AGBL1: variants seen among roughly 807,000 people sequenced by gnomAD.
The protein encoded by AGBL1 is cytosolic carboxypeptidase 4.
Under a neutral mutation model 118.9 loss-of-function variants are expected in AGBL1, and 130 were observed. That is an observed-to-expected ratio of 1.09 (90% CI 0.95 to 1.26). AGBL1 has a LOEUF of 1.26. Ranked by LOEUF, AGBL1 falls within the 50% of genes most tolerant of loss-of-function variation. The pLI is 0.00. For synonymous variants in AGBL1, 555 were observed against 478.9 expected, an observed-to-expected ratio of 1.16 and a Z score of -2.08; for missense variants, 1,584 against 1,298.1, an observed-to-expected ratio of 1.22 and a Z score of -3.38.
chr15:86,845,808 T>C (rs1398702709), intron 22 of AGBL1, among the ~76,000 whole-genome samples: 1 of 152,244 alleles, frequency 6.6e-6, no homozygotes, highest in Admixed American at 6.5e-5. Context: ...TGGTAAATTG[T>C]GTTTGGTAAA....
intron 22 of AGBL1, among the ~76,000 whole-genome samples, chr15:86,787,520 G>A (rs1282987300): frequency 6.6e-5 from 10 of 152,094 alleles, no homozygotes; most frequent in Non-Finnish European, 1.5e-4. Flanking sequence ...AAATCATGCA[G>A]TATTTTTATC....
chr15:86,303,783 T>A (rs2079793056), intron 17 of AGBL1, among the ~76,000 whole-genome samples: 1 of 152,174 alleles, frequency 6.6e-6, no homozygotes, highest in Admixed American at 6.5e-5. Context: ...AATTTGTTCA[T>A]GTGATATAAT....
intron 22 of AGBL1, among the ~76,000 whole-genome samples, chr15:86,754,434 C>G (rs1026381038): frequency 6.6e-6 from 1 of 152,032 alleles, no homozygotes; most frequent in Non-Finnish European, 1.5e-5. Context: ...GTTCTGATGT[C>G]TGGGTTTTGT....
intron 18 of AGBL1, among the ~76,000 whole-genome samples, chr15:86,503,153 A>G (rs1181952025): frequency 6.6e-6 from 1 of 151,058 alleles, no homozygotes; most frequent in Non-Finnish European, 1.5e-5. Context: ...AATATTTTCT[A>G]TTTCTTCTTC....
At chr15:86,490,341 G>C (rs866661420) in intron 18 of AGBL1, among the ~76,000 whole-genome samples, 1 of 152,046 alleles carries the variant, frequency 6.6e-6, no homozygotes, top group Non-Finnish European at 1.5e-5. Flanking sequence ...GGGACCTCTT[G>C]TACCTGTAGG....
chr15:86,324,713 G>A (rs527760185), intron 17 of AGBL1, among the ~76,000 whole-genome samples: 1 of 152,284 alleles, frequency 6.6e-6, no homozygotes, highest in South Asian at 2.1e-4. Context: ...GTGGGTGGTA[G>A]TAATAAAGAA....
intron 17 of AGBL1, among the ~76,000 whole-genome samples, chr15:86,325,745 A>C (rs2080174340): frequency 6.6e-6 from 1 of 152,176 alleles, no homozygotes; most frequent in South Asian, 2.1e-4. Flanking sequence ...TTCACCAGAC[A>C]AGGCATTGGA....
intron 23 of AGBL1, among the ~76,000 whole-genome samples, chr15:86,953,229 T>G (rs1029439918): frequency 2.0e-5 from 3 of 152,174 alleles, no homozygotes; most frequent in African/African-American, 7.2e-5. Context: ...ATAGGAACAG[T>G]GTTAAATCTA....
At chr15:86,206,597 C>T (rs990047054) in intron 5 of AGBL1, among the ~76,000 whole-genome samples, 11 of 152,212 alleles carry the variant, frequency 7.2e-5, no homozygotes, top group Non-Finnish European at 1.6e-4. Context: ...TGTCTTTTGG[C>T]TGCATAAATG....
At chr15:86,619,247 G>C (rs573679011) in intron 21 of AGBL1, among the ~76,000 whole-genome samples, 25 of 152,072 alleles carry the variant, frequency 1.6e-4, no homozygotes, top group Non-Finnish European at 2.8e-4. Context: ...ACGTGACACT[G>C]AACCTCCTAC....
chr15:86,769,057 T>A (rs908434190), intron 22 of AGBL1, among the ~76,000 whole-genome samples: 2 of 151,940 alleles, frequency 1.3e-5, no homozygotes, highest in Admixed American at 6.6e-5. Flanking sequence ...ATTGCATCAG[T>A]TGCCAGTGTC....
intron 9 of AGBL1, among the ~76,000 whole-genome samples, chr15:86,259,223 C>G (rs980927144): frequency 2.6e-5 from 4 of 152,106 alleles, no homozygotes; most frequent in African/African-American, 7.2e-5. Context: ...AGGGATGAAC[C>G]AAAAATATCT....
chr15:86,737,509 A>G (rs985103974), intron 22 of AGBL1, among the ~76,000 whole-genome samples: 5 of 152,220 alleles, frequency 3.3e-5, no homozygotes, highest in South Asian at 2.1e-4. Flanking sequence ...CAAAGTGCCT[A>G]TGATATCTCG....
chr15:86,630,312 T>C (rs977944326), intron 21 of AGBL1: 2 of 152,232 alleles, frequency 1.3e-5, no homozygotes, highest in Admixed American at 6.5e-5. Flanking sequence ...TGTTCCATGA[T>C]AGTTTCTGTG....
chr15:86,665,372 C>A (rs2085626525), intron 21 of AGBL1, among the ~76,000 whole-genome samples: 1 of 66,360 alleles, frequency 1.5e-5, no homozygotes, highest in South Asian at 5.6e-4. Flanking sequence ...TATCATTTTG[C>A]CAATGATAGA....
chr15:86,217,663 G>A lies in AGBL1; in HGVS notation c.489-7251G>A, dbSNP rs137870713. Among the ~76,000 whole-genome samples the A allele has an allele frequency of 8.5e-4, 130 of 152,274 alleles. 1 individual carries two copies. The highest frequency in any genetic ancestry group is 2.8e-3 in the African/African-American group (118 of 41,554). Reference sequence around the variant, plus strand: ...GTAAAGAAGGGGAGAAAGGCCCAGGGCATTTTAGGCTGCAGCATTAGCAAG... The same window carrying A: ...GTAAAGAAGGGGAGAAAGGCCCAGGACATTTTAGGCTGCAGCATTAGCAAG... On this transcript the variant is annotated intron_variant, in intron 5 of 22. Coordinates refer to ENST00000614907, the MANE Select transcript of AGBL1 (RefSeq NM_001386094.1).
intron 17 of AGBL1, among the ~76,000 whole-genome samples, chr15:86,359,718 C>T (rs1021960764): frequency 2.6e-5 from 4 of 151,852 alleles, no homozygotes; most frequent in Admixed American, 2.6e-4. Context: ...TAATTTCCTT[C>T]ACCAATATTT....
intron 1 of AGBL1, among the ~76,000 whole-genome samples, chr15:86,135,171 G>A (rs940777984): frequency 3.3e-5 from 5 of 152,140 alleles, no homozygotes; most frequent in Admixed American, 6.5e-5. Flanking sequence ...TTTCCCACGT[G>A]AGCTTGTTGT....
intron 18 of AGBL1, among the ~76,000 whole-genome samples, chr15:86,423,875 A>T (rs186725579): frequency 1.3e-5 from 2 of 152,212 alleles, no homozygotes; most frequent in Non-Finnish European, 2.9e-5. Flanking sequence ...GCTCAAGGAA[A>T]TAAGAGAGGA....
Sources: allele counts gnomAD v4.1 joint callset (sites outside exome capture counted in the v4.1 genomes callset), GRCh38; gene constraint gnomAD v4.1.1; transcripts MANE v1.5; gene names NCBI Gene and HGNC (gene_info 2026-07-23, HGNC 2026-07-21).